KLF15: variants seen among roughly 807,000 people sequenced by gnomAD.
KLF15 encodes Krueppel-like factor 15.
Under a neutral mutation model 24.6 loss-of-function variants are expected in KLF15, and 4 were observed. The observed-to-expected ratio is 0.16, with a 90% confidence interval of 0.08 to 0.37. The LOEUF (loss-of-function observed/expected upper bound fraction) is 0.37. Among genes scored for constraint, KLF15 ranks in the 10% least tolerant of loss-of-function variants. KLF15 has a pLI of 1.00. For synonymous variants in KLF15, 246 were observed against 236.3 expected (o/e 1.04, Z -0.37); for missense variants, 496 against 560.6 (o/e 0.88, Z 1.16).
In KLF15 at chr3:126,343,390, A is replaced by G; in HGVS notation, c.*337T>C. ...GCCTTGGCCCAGGATGGGGGAGCCC[A>G]GTGGGAGAAGGGCCAGGTCCCCAAA... On this transcript the variant is annotated 3_prime_UTR_variant, in exon 3 of 3. Coordinates refer to ENST00000296233, the MANE Select transcript of KLF15 (RefSeq NM_014079.4). The G allele has an allele frequency of 6.5e-6, 2 of 306,128 alleles. No homozygotes were observed. The highest frequency in any genetic ancestry group is 4.5e-5 in the South Asian group (1 of 22,388). 19.0% of individuals were successfully genotyped at this position (306,128 alleles called of 1,614,324 possible). A position where few individuals can be genotyped will look rare whatever the true frequency, so the allele number is the denominator to read the frequency against.
At chr3:126,329,759 G>GAAA in the KLF15 span, among the ~76,000 whole-genome samples, 2 of 120,618 alleles carry the variant, frequency 1.7e-5, no homozygotes, top group Non-Finnish European at 3.5e-5. Flanking sequence ...TCCCCATACA[G>GAAA]AAAAAAAAAA....
At chr3:126,319,908 G>A in the KLF15 span, among the ~76,000 whole-genome samples, 3 of 152,156 alleles carry the variant, frequency 2.0e-5, no homozygotes, top group South Asian at 4.1e-4. Flanking sequence ...AGTACGGAGC[G>A]ACAGCAGACC....
the KLF15 span, among the ~76,000 whole-genome samples, chr3:126,295,042 G>A: frequency 6.6e-6 from 1 of 151,994 alleles, no homozygotes; most frequent in Non-Finnish European, 1.5e-5. Context: ...ACATATACAT[G>A]CACATGCATG....
chr3:126,290,389 G>T, the KLF15 span, among the ~76,000 whole-genome samples: 1 of 152,166 alleles, frequency 6.6e-6, no homozygotes, highest in South Asian at 2.1e-4. Flanking sequence ...GGAAGAGGGG[G>T]TCTGTCTGTC....
In KLF15 at chr3:126,343,876, G is replaced by C; in HGVS notation, c.1102C>G (p.Leu368Val). The part of the protein sequence containing the change: ...CGWRFSRSDE[L>V]SRHRRSHSGV... ...GAGTGCGAGCGCCTGTGCCGCGACA[G>C]CTCGTCAGAGCGCGAGAACCTGCGG... The change falls in exon 3 of 3, where the codon CTG becomes GTG. Residue 368 changes from leucine to valine, a missense_variant. Leu to Val is a conservative substitution (Grantham distance 32). Coordinates refer to ENST00000296233, the MANE Select transcript of KLF15 (RefSeq NM_014079.4). 2 of 1,594,910 alleles carry C rather than the reference G, an allele frequency of 1.3e-6. No homozygotes were observed. The highest frequency in any genetic ancestry group is 1.1e-5 in the South Asian group (1 of 89,272).
rs547702960 is a variant in KLF15 at position 126,352,062 on chromosome 3, G to A, written c.861C>T (p.Ala287=). 5.2e-5 allele frequency: 80 copies of A among 1,531,328 alleles called. No individual in the cohort carries two copies. The highest frequency in any genetic ancestry group is 5.1e-4 in the Middle Eastern group (3 of 5,850). 94.9% of individuals were successfully genotyped at this position (1,531,328 alleles called of 1,614,324 possible). ...KFVRIAPVPI[A]AKPVGSGPLG... Reference sequence around the variant, plus strand: ...GGGGTCCCGATCCAACAGGCTTGGCGGCAATGGGCACAGGGGCAATGCGCA... The same window carrying A: ...GGGGTCCCGATCCAACAGGCTTGGCAGCAATGGGCACAGGGGCAATGCGCA... The change falls in exon 2 of 3, where the codon GCC becomes GCT. Residue 287 remains alanine, a synonymous_variant. Coordinates refer to ENST00000296233, the MANE Select transcript of KLF15 (RefSeq NM_014079.4).
chr3:126,352,347 A>G lies in KLF15; in HGVS notation c.576T>C (p.Cys192=). Reference sequence around the variant, plus strand: ...CACTGGCACCACCTGGTGGAGGGGAACAGCGCTCTCTCCCGCTGGACCCAG... The same window carrying G: ...CACTGGCACCACCTGGTGGAGGGGAGCAGCGCTCTCTCCCGCTGGACCCAG... ...LHPGSSGRER[C]SPPPGGASAG... The change falls in exon 2 of 3, where the codon TGT becomes TGC. Residue 192 remains cysteine, a synonymous_variant. Transcript: ENST00000296233. The G allele has an allele frequency of 5.0e-6, 8 of 1,594,524 alleles. No homozygotes were observed. The highest frequency in any genetic ancestry group is 6.8e-6 in the Non-Finnish European group (8 of 1,171,196).
the KLF15 span, among the ~76,000 whole-genome samples, chr3:126,314,024 G>A: frequency 1.3e-5 from 2 of 152,222 alleles, no homozygotes; most frequent in Non-Finnish European, 2.9e-5. Flanking sequence ...TTGATGAGGT[G>A]AGACAGAAAC....
rs751346481 is a variant in KLF15, at chr3:126,352,940, G to A, written c.-18C>T. 60 of 1,577,058 alleles carry A rather than the reference G, an allele frequency of 3.8e-5. No individual in the cohort carries two copies. The highest frequency in any genetic ancestry group is 2.2e-4 in the East Asian group (10 of 44,574). ...TCCACCATGCTGGCCTGGCCGTGCC[G>A]GTGGCGGCTGCAGGAAAGGAACACA... On this transcript the variant is annotated 5_prime_UTR_variant, in exon 2 of 3. Coordinates refer to ENST00000296233, the MANE Select transcript of KLF15 (RefSeq NM_014079.4).
chr3:126,309,285 G>C, the KLF15 span, among the ~76,000 whole-genome samples: 1 of 152,224 alleles, frequency 6.6e-6, no homozygotes, highest in Non-Finnish European at 1.5e-5. Context: ...ACAGCCCTGC[G>C]CTCTGGCCGG....
chr3:126,355,294 G>T (rs1421997903), intron 1 of KLF15, among the ~76,000 whole-genome samples: 2 of 152,264 alleles, frequency 1.3e-5, no homozygotes, highest in Non-Finnish European at 2.9e-5. Context: ...GGGCTGGAAG[G>T]AAACACCCTC....
At chr3:126,324,457 T>A in the KLF15 span, among the ~76,000 whole-genome samples, 1 of 91,304 alleles carries the variant, frequency 1.1e-5, no homozygotes, top group Non-Finnish European at 2.1e-5. Context: ...AGCATTTAAG[T>A]GCCATGTCTC....
the KLF15 span, among the ~76,000 whole-genome samples, chr3:126,297,208 GT>G: frequency 6.7e-5 from 10 of 150,078 alleles, no homozygotes; most frequent in East Asian, 1.9e-4. Context: ...AGAGTCACCT[GT>G]TTTTTTTTCT....
intron 1 of KLF15, among the ~76,000 whole-genome samples, chr3:126,353,694 A>G (rs1270710493): frequency 6.6e-6 from 1 of 152,128 alleles, no homozygotes; most frequent in Non-Finnish European, 1.5e-5. Context: ...TCCCCACCTA[A>G]AGCTCCTCCA....
At chr3:126,292,943 G>A in the KLF15 span, among the ~76,000 whole-genome samples, 1 of 151,852 alleles carries the variant, frequency 6.6e-6, no homozygotes, top group Admixed American at 6.6e-5. Context: ...GGCAGAGGGG[G>A]AAAAAGTGAT....
chr3:126,341,445 TG>T (rs1339943362), downstream of KLF15, among the ~76,000 whole-genome samples: 1 of 152,240 alleles, frequency 6.6e-6, no homozygotes, highest in African/African-American at 2.4e-5. Flanking sequence ...AGGGCTGAAC[TG>T]CTTGTTTATG....
the KLF15 span, among the ~76,000 whole-genome samples, chr3:126,310,603 G>C: frequency 6.6e-6 from 1 of 152,086 alleles, no homozygotes; most frequent in Non-Finnish European, 1.5e-5. Context: ...CCAAGAGCAA[G>C]ATGCCGCAGG....
At chr3:126,321,500 G>A in the KLF15 span, among the ~76,000 whole-genome samples, 1 of 152,218 alleles carries the variant, frequency 6.6e-6, no homozygotes, top group African/African-American at 2.4e-5. Context: ...GGAGGTATAG[G>A]GACCACACAT....
At chr3:126,328,016 T>C in the KLF15 span, among the ~76,000 whole-genome samples, 1 of 152,174 alleles carries the variant, frequency 6.6e-6, no homozygotes, top group South Asian at 2.1e-4. Context: ...TGTGAGATTT[T>C]GGTGCACCCA....
Sources: allele counts gnomAD v4.1 joint callset (sites outside exome capture counted in the v4.1 genomes callset), GRCh38; gene constraint gnomAD v4.1.1; transcripts MANE v1.5; gene names NCBI Gene and HGNC (gene_info 2026-07-23, HGNC 2026-07-21).